CREB3L2: variants seen among roughly 807,000 people sequenced by gnomAD.
CREB3L2 encodes cAMP responsive element binding protein 3 like 2, also known as cyclic AMP-responsive element-binding protein 3-like protein 2.
In CREB3L2, 23 loss-of-function variants were observed where a neutral mutation model predicts 57.2. That is an observed-to-expected ratio of 0.40 (90% CI 0.29 to 0.57). CREB3L2 has a LOEUF of 0.57. Ranked by LOEUF, CREB3L2 falls within the 20% of genes least tolerant of loss-of-function variation. CREB3L2 has a pLI of 0.42. For synonymous variants in CREB3L2, 268 were observed against 265.1 expected, an observed-to-expected ratio of 1.01 and a Z score of -0.11; for missense variants, 628 against 634.7, an observed-to-expected ratio of 0.99 and a Z score of 0.11.
rs953244926 is a variant in CREB3L2, at chr7:137,880,693, A to T, written c.1488-142T>A. 8.7e-6 allele frequency: 6 copies of T among 686,640 alleles called. No homozygotes were observed. The Admixed American group carries it at 1.3e-4, about 15-fold the overall frequency. 42.5% of individuals were successfully genotyped at this position (686,640 alleles called of 1,614,324 possible). A position where few individuals can be genotyped will look rare whatever the true frequency, so the allele number is the denominator to read the frequency against. ...CATGTTTCTTGTCCTTTTCTCTCCT[A>T]GTAGCAATTCTCTGTTTCCAAAGTC... On this transcript the variant is annotated intron_variant, in intron 11 of 11. Transcript: ENST00000330387. This position sits in a 1 kb window ranked among gnomAD's most constrained non-coding sequence, Gnocchi z 4.0.
chr7:137,999,367 T>C (rs1802039521), intron 1 of CREB3L2, among the ~76,000 whole-genome samples: 1 of 129,132 alleles, frequency 7.7e-6, no homozygotes, highest in Non-Finnish European at 1.7e-5. Flanking sequence ...ATGTTTATTG[T>C]TTATGTTCCC....
chr7:137,995,136 TA>T (rs1455931220), intron 1 of CREB3L2, among the ~76,000 whole-genome samples: 1 of 152,048 alleles, frequency 6.6e-6, no homozygotes, highest in Non-Finnish European at 1.5e-5. Context: ...TCTTCCATTC[TA>T]AAAAAGGGAC....
At chr7:137,897,704 A>C (rs1305938999) in intron 8 of CREB3L2, among the ~76,000 whole-genome samples, 2 of 152,170 alleles carry the variant, frequency 1.3e-5, no homozygotes, top group Non-Finnish European at 2.9e-5. Flanking sequence ...ATCCTGTAGA[A>C]ATGTATGAGA....
chr7:137,995,830 G>A (rs920227719), intron 1 of CREB3L2, among the ~76,000 whole-genome samples: 3 of 152,096 alleles, frequency 2.0e-5, no homozygotes, highest in Non-Finnish European at 2.9e-5. Context: ...TGTAACTCAG[G>A]GATCATTCGA....
At chr7:137,894,614 C>G (rs1563242183) in intron 8 of CREB3L2, among the ~76,000 whole-genome samples, 1 of 152,160 alleles carries the variant, frequency 6.6e-6, no homozygotes, top group African/African-American at 2.4e-5. Context: ...GACCTTTGGA[C>G]AGGGAATTCC....
chr7:137,996,612 G>C (rs570012663), intron 1 of CREB3L2, among the ~76,000 whole-genome samples: 1 of 152,308 alleles, frequency 6.6e-6, no homozygotes, highest in Admixed American at 6.5e-5. Context: ...CCAGGCGGGA[G>C]GAACAGGAAA....
At chr7:137,991,948 T>G (rs766727562) in intron 1 of CREB3L2, among the ~76,000 whole-genome samples, 32 of 151,934 alleles carry the variant, frequency 2.1e-4, no homozygotes, top group Non-Finnish European at 3.8e-4. Context: ...AAAAACTCTC[T>G]TCCAAGAACT....
intron 1 of CREB3L2, among the ~76,000 whole-genome samples, chr7:137,936,666 A>G (rs1800791184): frequency 6.6e-6 from 1 of 152,176 alleles, no homozygotes; most frequent in African/African-American, 2.4e-5. Flanking sequence ...ACACACAAAC[A>G]CAGCCCAGCA....
rs999329335 is a variant in CREB3L2 at position 138,001,363 on chromosome 7, G to GA, written c.102+240dup. 5.3e-5 allele frequency among the ~76,000 whole-genome samples: 8 copies of GA among 152,092 alleles called. No individual in the cohort carries two copies. Among genetic ancestry groups the GA allele is most frequent in the African/African-American group, 1.9e-4 (8 of 41,418 alleles). Reference sequence around the variant, plus strand: ...TATTACAGATGGAAAAAGCCTCAGGGAAAAAAGCATGAATTGTTAAAGGAA... The same window carrying GA: ...TATTACAGATGGAAAAAGCCTCAGGGAAAAAAAGCATGAATTGTTAAAGGAA... On this transcript the variant is annotated intron_variant, in intron 1 of 11. Transcript: ENST00000330387. This position sits in a 1 kb window ranked among gnomAD's most constrained non-coding sequence, Gnocchi z 4.2.
At position 137,946,990 on chromosome 7, in the gene CREB3L2, ATATATATAGTTATATATATATAGT is replaced by A. The variant is rs1563262446; in HGVS notation, c.103-18648_103-18625del. 9.1e-4 allele frequency among the ~76,000 whole-genome samples: 117 copies of A among 128,614 alleles called. 8 individuals carry two copies. Among genetic ancestry groups the A allele is most frequent in the African/African-American group, 3.4e-3 (103 of 30,406 alleles). 84.4% of individuals were successfully genotyped at this position (128,614 alleles called of 152,430 possible). On this transcript the variant is annotated intron_variant, in intron 1 of 11. Coordinates refer to ENST00000330387, the MANE Select transcript of CREB3L2 (RefSeq NM_194071.4). ...TATATATAGTTATATATATATAGTT[ATATATATAGTTATATATATATAGT>A]TATATATATATATATAGTTCAATCC...
rs58214959 is a variant in CREB3L2 at position 137,946,888 on chromosome 7, TTATA to T, written c.103-18526_103-18523del. On this transcript the variant is annotated intron_variant, in intron 1 of 11. Coordinates refer to ENST00000330387, the MANE Select transcript of CREB3L2 (RefSeq NM_194071.4). ...GTTATATATATAGTTATCTATATAG[TTATA>T]TATATAGTTATATATATAGTTATAT... Among the ~76,000 whole-genome samples the T allele has an allele frequency of 7.6e-5, 3 of 39,690 alleles. 1 individual carries two copies. The highest frequency in any genetic ancestry group is 4.2e-5 in the Non-Finnish European group (1 of 23,988). 26.0% of individuals were successfully genotyped at this position (39,690 alleles called of 152,430 possible).
intron 1 of CREB3L2, among the ~76,000 whole-genome samples, chr7:137,974,659 G>A: frequency 6.6e-6 from 1 of 152,210 alleles, no homozygotes. Context: ...CTAATGAGGT[G>A]ACCAAGGAGA....
At chr7:137,965,795 A>G (rs1260543311) in intron 1 of CREB3L2, among the ~76,000 whole-genome samples, 1 of 152,202 alleles carries the variant, frequency 6.6e-6, no homozygotes, top group Non-Finnish European at 1.5e-5. Context: ...AGGAGGAGCA[A>G]AACAAAGTGC....
In CREB3L2 at chr7:137,878,574, TCAGA is replaced by T. The variant is rs1264169609; in HGVS notation, c.*1898_*1901del. On this transcript the variant is annotated 3_prime_UTR_variant, in exon 12 of 12. Coordinates refer to ENST00000330387, the MANE Select transcript of CREB3L2 (RefSeq NM_194071.4). ...ACTAGCAACCCTCCTCCTGCACAGC[TCAGA>T]CAGTCTCCGCCCTGGCTAATGGGAG... 1.3e-5 allele frequency: 3 copies of T among 233,398 alleles called. No homozygotes were observed. The highest frequency in any genetic ancestry group is 2.5e-5 in the Non-Finnish European group (3 of 118,386). The allele number at this position is 233,398 out of a possible 1,614,324, so 14.5% of individuals were successfully genotyped here.
At chr7:137,897,599 G>A (rs1308290559) in intron 8 of CREB3L2, among the ~76,000 whole-genome samples, 1 of 152,092 alleles carries the variant, frequency 6.6e-6, no homozygotes, top group African/African-American at 2.4e-5. Context: ...TGACCAACAG[G>A]TGACCCACCT....
At chr7:137,996,837 A>G (rs923941333) in intron 1 of CREB3L2, among the ~76,000 whole-genome samples, 1 of 152,248 alleles carries the variant, frequency 6.6e-6, no homozygotes, top group African/African-American at 2.4e-5. Context: ...TTGGCTTTAT[A>G]GGAATTCTGC....
At chr7:137,930,133 G>C (rs1288764200) in intron 1 of CREB3L2, among the ~76,000 whole-genome samples, 1 of 151,866 alleles carries the variant, frequency 6.6e-6, no homozygotes. Context: ...TCCTGACCTC[G>C]TGATCCGCCC....
rs774526678 is a variant in CREB3L2 at position 137,977,255 on chromosome 7, C to T, written c.102+24349G>A. Among the ~76,000 whole-genome samples, 26 of 152,272 alleles carry T rather than the reference C, an allele frequency of 1.7e-4. No homozygotes were observed. In the East Asian group the frequency reaches 2.9e-3, roughly 17 times the overall value. On this transcript the variant is annotated intron_variant, in intron 1 of 11. Transcript: ENST00000330387. Reference sequence around the variant, plus strand: ...AAAGTGGGATTAGCAATAAACCCTGCCTAGATTTTCTAGTCCAGACAGTCC... The same window carrying T: ...AAAGTGGGATTAGCAATAAACCCTGTCTAGATTTTCTAGTCCAGACAGTCC...
Position 137,903,987 on chromosome 7 carries a change from T to C in CREB3L2, c.946A>G (p.Lys316Glu). 6.2e-7 allele frequency: 1 copy of C among 1,613,988 alleles called. No individual in the cohort carries two copies. Among genetic ancestry groups the C allele is most frequent in the South Asian group, 1.1e-5 (1 of 91,078 alleles). Reference protein sequence around the residue: ...ISAQESRRKKKEYMDSLEKKV... With the variant: ...ISAQESRRKKEEYMDSLEKKV... ...TTCTCCAGGCTGTCCATGTATTCTTTCTTCTTTCTCCTACTTTCCTGAGCA... is the reference window on the plus strand; with the variant it reads ...TTCTCCAGGCTGTCCATGTATTCTTCCTTCTTTCTCCTACTTTCCTGAGCA... Residue 316 changes from lysine to glutamate, a missense_variant, in exon 7 of 12, where the codon AAA becomes GAA. Physicochemically the swap from Lys to Glu is moderately conservative, Grantham distance 56. Around this residue, in one of 3 missense-constraint regions of CREB3L2, gnomAD observed 17 missense variants for 36.6 expected, o/e 0.46. Coordinates refer to ENST00000330387, the MANE Select transcript of CREB3L2 (RefSeq NM_194071.4).
Sources: allele counts gnomAD v4.1 joint callset (sites outside exome capture counted in the v4.1 genomes callset), GRCh38; gene constraint gnomAD v4.1.1; regional missense constraint gnomAD v4.1.1; non-coding constraint Gnocchi (gnomAD v3.1); transcripts MANE v1.5; gene names NCBI Gene and HGNC (gene_info 2026-07-23, HGNC 2026-07-21).